The following KICS2 variants were observed in gnomAD, a reference collection of about 807,000 sequenced individuals.
KICS2 encodes KICSTOR complex protein C12orf66.
In KICS2, 13 loss-of-function variants were observed where a neutral mutation model predicts 31.4. That is an observed-to-expected ratio of 0.41 (90% confidence interval 0.27 to 0.66). KICS2 has a LOEUF of 0.66. KICS2 is among the 30% of genes least tolerant of loss of function. The pLI is 0.28. For missense variants in KICS2, 455 were observed against 545.4 expected (o/e 0.83, Z 1.65); for synonymous variants, 209 against 214.8 (o/e 0.97, Z 0.24).
chr12:64,215,333 T>C (rs569357167), intron 2 of KICS2, among the ~76,000 whole-genome samples: 13 of 152,254 alleles, frequency 8.5e-5, no homozygotes, highest in African/African-American at 1.7e-4. Flanking sequence ...TATTTTACTA[T>C]GTTACAATTT....
intron 1 of KICS2, 101 bp from the exon 2 acceptor site, chr12:64,216,064 G>A: frequency 9.0e-7 from 1 of 1,117,210 alleles, no homozygotes; most frequent in Non-Finnish European, 1.2e-6. Flanking sequence ...AACCCATTGA[G>A]CTCAGTAAGT....
In KICS2 at chr12:64,215,664, C is replaced by G; in HGVS notation, c.521+14G>C. 6.2e-7 allele frequency: 1 copy of G among 1,602,544 alleles called. No individual in the cohort carries two copies. The highest frequency in any genetic ancestry group is 8.5e-7 in the Non-Finnish European group (1 of 1,172,974). ...GACAGCCACGCTTTCTCCCTCCCTC[C>G]TCCCCACACTGACCTGGAGCTGTAT... On this transcript the variant is annotated intron_variant, in intron 2 of 2. Transcript: ENST00000398055.
At chr12:64,190,857 C>G (rs2037373031), downstream of KICS2, among the ~76,000 whole-genome samples, 1 of 152,086 alleles carries the variant, frequency 6.6e-6, no homozygotes, top group South Asian at 2.1e-4. Flanking sequence ...TGGTTAAGAA[C>G]TGGGCTTTAT....
At chr12:64,213,260 T>G (rs2037600558) in intron 2 of KICS2, among the ~76,000 whole-genome samples, 1 of 152,152 alleles carries the variant, frequency 6.6e-6, no homozygotes, top group Admixed American at 6.5e-5. Flanking sequence ...TCTGAAGAAC[T>G]AATTTATTGA....
chr12:64,191,275 T>C lies in KICS2; in HGVS notation c.*2567A>G, dbSNP rs2037376299. ...ATCAATATTCAATCTTCAAAAACTC[T>C]TCCAGTACAGTCTATGACAGCTGCA... is the stretch of plus-strand genomic sequence containing the variant. On this transcript the variant is annotated 3_prime_UTR_variant, in exon 3 of 3. Transcript: ENST00000398055. 6.6e-6 allele frequency: 1 copy of C among 152,226 alleles called. No homozygotes were observed. The highest frequency in any genetic ancestry group is 1.5e-5 in the Non-Finnish European group (1 of 68,044). 9.4% of individuals were successfully genotyped at this position (152,226 alleles called of 1,614,324 possible). A position where few individuals can be genotyped will look rare whatever the true frequency, so the allele number is the denominator to read the frequency against.
chr12:64,215,876 C>T lies in KICS2; in HGVS notation c.323G>A (p.Arg108His), dbSNP rs747813412. ...HNELKKVVTG[R>H]GALGGTAPHV... ...AGGAGCAGTCCCACCCAGGGCACCA[C>T]GGCCAGTCACCACCTTCTTCAGCTC... is the stretch of plus-strand genomic sequence containing the variant. The change falls in exon 2 of 3, where the codon CGT becomes CAT. Residue 108 changes from arginine to histidine, a missense_variant. By Grantham distance (29) the Arg-to-His change is conservative (BLOSUM62 0). Coordinates refer to ENST00000398055, the MANE Select transcript of KICS2 (RefSeq NM_152440.5). 1.9e-6 allele frequency: 3 copies of T among 1,613,750 alleles called. No homozygotes were observed. The highest frequency in any genetic ancestry group is 2.5e-6 in the Non-Finnish European group (3 of 1,179,884).
At chr12:64,197,245 G>A (rs1439538178) in intron 2 of KICS2, among the ~76,000 whole-genome samples, 13 of 146,984 alleles carry the variant, frequency 8.8e-5, no homozygotes, top group Middle Eastern at 6.8e-3. Flanking sequence ...GACTAACAGC[G>A]GATCTCTCAT....
chr12:64,218,644 T>G (rs2037652046), intron 1 of KICS2, among the ~76,000 whole-genome samples: 1 of 152,080 alleles, frequency 6.6e-6, no homozygotes, highest in Admixed American at 6.5e-5. Context: ...CGGGGTGGCC[T>G]TGGTGAAAAT....
At position 64,192,950 on chromosome 12, in the gene KICS2, T is replaced by C. The variant is rs751391604; in HGVS notation, c.*892A>G. 50 of 985,340 alleles carry C rather than the reference T, an allele frequency of 5.1e-5. No individual in the cohort carries two copies. Among genetic ancestry groups the C allele is most frequent in the South Asian group, 4.2e-4 (9 of 21,296 alleles). 61.0% of individuals were successfully genotyped at this position (985,340 alleles called of 1,614,324 possible). On this transcript the variant is annotated 3_prime_UTR_variant, in exon 3 of 3. Coordinates refer to ENST00000398055, the MANE Select transcript of KICS2 (RefSeq NM_152440.5). ...ATTTTGATTTTATAAAAGTAGGCTA[T>C]GTTGCATGAGTATCTAAAAGTGGCT...
At position 64,222,157 on chromosome 12, in the gene KICS2, G is replaced by C; in HGVS notation, c.81C>G (p.Ile27Met). Residue 27 changes from isoleucine to methionine, a missense_variant, in exon 1 of 3, where the codon ATC becomes ATG. Ile to Met is a conservative substitution (Grantham distance 10). Coordinates refer to ENST00000398055, the MANE Select transcript of KICS2 (RefSeq NM_152440.5). ...VLETFFSHLG[I>M]FSYDKAKDNV... ...TGTCCTTAGCCTTGTCGTAAGAGAA[G>C]ATACCCAGGTGAGAGAAGAACGTCT... The C allele has an allele frequency of 6.2e-7, 1 of 1,614,130 alleles. No homozygotes were observed. The highest frequency in any genetic ancestry group is 8.5e-7 in the Non-Finnish European group (1 of 1,179,966).
intron 2 of KICS2, among the ~76,000 whole-genome samples, chr12:64,215,268 T>C (rs1381558701): frequency 3.9e-5 from 6 of 152,132 alleles, no homozygotes; most frequent in Non-Finnish European, 7.3e-5. Context: ...GCTGAGATCA[T>C]GCTACTGCAC....
intron 2 of KICS2, among the ~76,000 whole-genome samples, chr12:64,196,215 AGAGAGC>A (rs1592379768): frequency 6.6e-6 from 1 of 151,966 alleles, no homozygotes; most frequent in East Asian, 1.9e-4. Context: ...ACAGCTTTGA[AGAGAGC>A]AGTGGCTCTC....
At chr12:64,214,113 G>A (rs2037606637) in intron 2 of KICS2, among the ~76,000 whole-genome samples, 2 of 152,164 alleles carry the variant, frequency 1.3e-5, no homozygotes, top group Admixed American at 1.3e-4. Context: ...GATACTCCTG[G>A]TTCAAAACTT....
At position 64,192,309 on chromosome 12, in the gene KICS2, G is replaced by C. The variant is rs1476769529; in HGVS notation, c.*1533C>G. The C allele has an allele frequency of 6.6e-6, 1 of 152,220 alleles. No individual in the cohort carries two copies. Among genetic ancestry groups the C allele is most frequent in the Non-Finnish European group, 1.5e-5 (1 of 68,146 alleles). 9.4% of individuals were successfully genotyped at this position (152,220 alleles called of 1,614,324 possible). ...CCGGCCAACTTTTGTATTTTTAGTA[G>C]AGATGGGGTTTCACCATGTTGGCCA... On this transcript the variant is annotated 3_prime_UTR_variant, in exon 3 of 3. Transcript: ENST00000398055.
At chr12:64,204,492 TAAGA>T (rs1403304103) in intron 2 of KICS2, among the ~76,000 whole-genome samples, 1 of 152,202 alleles carries the variant, frequency 6.6e-6, no homozygotes, top group African/African-American at 2.4e-5. Flanking sequence ...GAATGAACAC[TAAGA>T]AAGTTCAGGC....
chr12:64,201,096 C>A (rs1013528646), intron 2 of KICS2, among the ~76,000 whole-genome samples: 2 of 139,482 alleles, frequency 1.4e-5, no homozygotes, highest in African/African-American at 5.5e-5. Context: ...CCAGCCATCC[C>A]ATTACTGGGT....
intron 2 of KICS2, among the ~76,000 whole-genome samples, chr12:64,195,088 C>T (rs1203312173): frequency 6.6e-6 from 1 of 152,080 alleles, no homozygotes; most frequent in African/African-American, 2.4e-5. Context: ...AACATAGGCA[C>T]ACACTCCATT....
chr12:64,195,688 A>C (rs1190492943), intron 2 of KICS2, among the ~76,000 whole-genome samples: 1 of 152,236 alleles, frequency 6.6e-6, no homozygotes, highest in African/African-American at 2.4e-5. Flanking sequence ...CATCTGAGGT[A>C]CCGGGTTCAT....
rs1592389069 is a variant in KICS2, at chr12:64,215,868, G to C, written c.331C>G (p.Leu111Val). The C allele has an allele frequency of 6.2e-7, 1 of 1,613,758 alleles. No homozygotes were observed. Among genetic ancestry groups the C allele is most frequent in the African/African-American group, 1.3e-5 (1 of 75,032 alleles). Residue 111 changes from leucine to valine, a missense_variant, in exon 2 of 3, where the codon CTG becomes GTG. Leu to Val is a conservative substitution (Grantham distance 32). Transcript: ENST00000398055. ...TCCACGTGAGGAGCAGTCCCACCCA[G>C]GGCACCACGGCCAGTCACCACCTTC... ...LKKVVTGRGA[L>V]GGTAPHVEEL... is the part of the protein sequence containing the mutation.
Sources: allele counts gnomAD v4.1 joint callset (sites outside exome capture counted in the v4.1 genomes callset), GRCh38; gene constraint gnomAD v4.1.1; transcripts MANE v1.5; gene names NCBI Gene and HGNC (gene_info 2026-07-23, HGNC 2026-07-21).